Variants in FKBP6 observed in about 807,000 individuals in gnomAD.
FKBP6 encodes the protein FKBP prolyl isomerase family member 6 (inactive).
FKBP6 carries 29 observed loss-of-function variants against 41.7 expected under a neutral mutation model. The ratio of observed to expected loss-of-function variants is 0.70; its 90% CI spans 0.52 to 0.95. FKBP6 has a LOEUF of 0.95. Ranked by LOEUF, FKBP6 falls within the 40% of genes least tolerant of loss-of-function variation. The probability of loss-of-function intolerance (pLI) is 0.00; values close to 1 mark genes in which losing one functional copy is unlikely to be tolerated. For missense variants in FKBP6, 338 were observed against 408.7 expected, an observed-to-expected ratio of 0.83 and a Z score of 1.49; for synonymous variants, 130 against 165.1, an observed-to-expected ratio of 0.79 and a Z score of 1.63.
chr7:73,331,112 A>G (rs782226480), intron 4 of FKBP6, among the ~76,000 whole-genome samples: 2 of 152,146 alleles, frequency 1.3e-5, no homozygotes, highest in African/African-American at 4.8e-5. Flanking sequence ...TGGTGAACTC[A>G]TTTAGGATCT....
Position 73,329,340 on chromosome 7 carries a change from C to A in FKBP6, c.176-20C>A, listed in dbSNP as rs781802122. The A allele has an allele frequency of 1.3e-5, 19 of 1,458,538 alleles. No homozygotes were observed. Among genetic ancestry groups the A allele is most frequent in the Non-Finnish European group, 1.8e-5 (19 of 1,038,248 alleles). The allele number at this position is 1,458,538 out of a possible 1,614,324, so 90.3% of individuals were successfully genotyped here. A position where few individuals can be genotyped will look rare whatever the true frequency, so the allele number is the denominator to read the frequency against. On this transcript the variant is annotated intron_variant, in intron 2 of 8. Transcript: ENST00000252037. ...GGGTGTTTTTGGTCCATTTTCCTTA[C>A]ATTCTTTCTTCTATCCTAGTGAAAT...
chr7:73,341,336 C>T lies in FKBP6; in HGVS notation c.847C>T (p.Gln283Ter). The T allele has an allele frequency of 6.2e-7, 1 of 1,613,448 alleles. No homozygotes were observed. Among genetic ancestry groups the T allele is most frequent in the South Asian group, 1.1e-5 (1 of 91,078 alleles). Reference sequence around the variant, plus strand: ...TTTTCTAGTTCGAGCCCAGAAGGAGCAACCCTTCAATCATGACATCAATAA... The same window carrying T: ...TTTTCTAGTTCGAGCCCAGAAGGAGTAACCCTTCAATCATGACATCAATAA... ...RDFLVRAQKE[Q>*]PFNHDINNEL... The change falls in exon 7 of 9, where the codon CAA becomes TAA. Residue 283 changes from glutamine to a stop codon, truncating the protein, a stop_gained. Transcript: ENST00000252037. LOFTEE classifies it high-confidence loss of function.
intron 8 of FKBP6, among the ~76,000 whole-genome samples, chr7:73,351,855 G>C (rs1805499567): frequency 1.3e-5 from 2 of 152,172 alleles, no homozygotes; most frequent in African/African-American, 4.8e-5. Flanking sequence ...TATGATTCAT[G>C]ATGGGGTTGA....
intron 5 of FKBP6, 33 bp from the exon 6 acceptor site, chr7:73,340,605 C>T (rs557504087): frequency 1.9e-6 from 3 of 1,579,110 alleles, no homozygotes; most frequent in South Asian, 2.2e-5. Flanking sequence ...AAGACTGTTA[C>T]TCCTCTTGAC....
chr7:73,351,060 A>G (rs900409509), intron 8 of FKBP6, among the ~76,000 whole-genome samples: 4 of 152,082 alleles, frequency 2.6e-5, no homozygotes, highest in Non-Finnish European at 4.4e-5. Context: ...ACTTGTTTAA[A>G]TATATTTTTG....
At chr7:73,331,351 C>T (rs1266724120) in intron 4 of FKBP6, among the ~76,000 whole-genome samples, 3 of 152,168 alleles carry the variant, frequency 2.0e-5, no homozygotes, top group Non-Finnish European at 4.4e-5. Flanking sequence ...AGACTGAAGA[C>T]GTAGACTTCC....
At chr7:73,342,155 T>C (rs1563318293) in intron 7 of FKBP6, among the ~76,000 whole-genome samples, 1 of 152,170 alleles carries the variant, frequency 6.6e-6, no homozygotes, top group East Asian at 1.9e-4. Flanking sequence ...ACCAGTCTTT[T>C]AGTGATGTAA....
At chr7:73,335,859 T>C (rs1297243563) in intron 5 of FKBP6, among the ~76,000 whole-genome samples, 5 of 152,052 alleles carry the variant, frequency 3.3e-5, no homozygotes, top group African/African-American at 1.2e-4. Flanking sequence ...TCCCTTAGGG[T>C]TGGAGAAAGT....
chr7:73,357,545 C>T (rs996329393), intron 8 of FKBP6, among the ~76,000 whole-genome samples: 5 of 148,928 alleles, frequency 3.4e-5, no homozygotes, highest in African/African-American at 1.2e-4. Flanking sequence ...CAGGTGTGAG[C>T]CAATGCGCCT....
At chr7:73,348,856 G>A (rs1160974255) in intron 8 of FKBP6, among the ~76,000 whole-genome samples, 2 of 152,178 alleles carry the variant, frequency 1.3e-5, no homozygotes, top group African/African-American at 2.4e-5. Flanking sequence ...TGTAATCCCA[G>A]CATTTCGGGA....
chr7:73,331,786 C>T lies in FKBP6; in HGVS notation c.588+10C>T. 6.2e-7 allele frequency: 1 copy of T among 1,612,596 alleles called. No homozygotes were observed. The highest frequency in any genetic ancestry group is 8.5e-7 in the Non-Finnish European group (1 of 1,178,670). On this transcript the variant is annotated intron_variant, in intron 5 of 8. Transcript: ENST00000252037. ...AGTGAGATATAAAAGGGTGAGAATG[C>T]TTTGAAAGTTAAGTGTAAGTTTAGA...
In FKBP6 at chr7:73,328,839, T is replaced by C. The variant is rs1165629610; in HGVS notation, c.175+147T>C. The C allele has an allele frequency of 9.9e-6, 14 of 1,417,714 alleles. No homozygotes were observed. The Middle Eastern group carries it at 7.4e-4, about 75-fold the overall frequency. 87.8% of individuals were successfully genotyped at this position (1,417,714 alleles called of 1,614,324 possible). On this transcript the variant is annotated intron_variant, in intron 2 of 8. Coordinates refer to ENST00000252037, the MANE Select transcript of FKBP6 (RefSeq NM_003602.5). Reference sequence around the variant, plus strand: ...GTTTTTTGTTTTTGAAACGGGGTCTTGCTCAGTTGCCCAGGCTGGAGTGCA... The same window carrying C: ...GTTTTTTGTTTTTGAAACGGGGTCTCGCTCAGTTGCCCAGGCTGGAGTGCA...
chr7:73,344,239 C>T (rs1805275827), intron 8 of FKBP6, among the ~76,000 whole-genome samples: 1 of 152,230 alleles, frequency 6.6e-6, no homozygotes, highest in South Asian at 2.1e-4. Flanking sequence ...CCAGGTCTGC[C>T]AGGGTCCATC....
chr7:73,346,880 T>C (rs1196186445), intron 8 of FKBP6, among the ~76,000 whole-genome samples: 1 of 152,090 alleles, frequency 6.6e-6, no homozygotes, highest in Non-Finnish European at 1.5e-5. Context: ...AAGTTACTGA[T>C]TGTGGAGGAG....
intron 8 of FKBP6, among the ~76,000 whole-genome samples, chr7:73,357,461 T>C (rs1304758528): frequency 6.6e-6 from 1 of 151,850 alleles, no homozygotes; most frequent in African/African-American, 2.4e-5. Flanking sequence ...GGTTTAATCA[T>C]GTTGGCTAGG....
chr7:73,340,917 C>CTTTT (rs368227645), intron 6 of FKBP6, 85 bp downstream of exon 6: 68 of 482,698 alleles, frequency 1.4e-4, no homozygotes, highest in South Asian at 2.9e-4. Flanking sequence ...AAAATGCTGT[C>CTTTT]TTTTTTTTTT....
chr7:73,356,046 A>G (rs191243644), intron 8 of FKBP6, among the ~76,000 whole-genome samples: 84 of 141,548 alleles, frequency 5.9e-4, no homozygotes, highest in African/African-American at 1.9e-3. Context: ...AGCCTGGGCG[A>G]CAGAGCAAGA....
chr7:73,329,538 G>A (rs113247135), intron 3 of FKBP6, 89 bp downstream of exon 3: 9 of 868,996 alleles, frequency 1.0e-5, no homozygotes, highest in East Asian at 7.2e-5. Flanking sequence ...TGCTCAGAGC[G>A]CAGGTTCTTT....
intron 8 of FKBP6, among the ~76,000 whole-genome samples, chr7:73,357,545 C>G (rs996329393): frequency 1.3e-5 from 2 of 148,928 alleles, no homozygotes; most frequent in Non-Finnish European, 3.0e-5. Flanking sequence ...CAGGTGTGAG[C>G]CAATGCGCCT....
Sources: allele counts gnomAD v4.1 joint callset (sites outside exome capture counted in the v4.1 genomes callset), GRCh38; gene constraint gnomAD v4.1.1; transcripts MANE v1.5; gene names NCBI Gene and HGNC (gene_info 2026-07-23, HGNC 2026-07-21).